The following DNAH8 variants were observed in gnomAD, a reference collection of about 807,000 sequenced individuals.
DNAH8 encodes the protein dynein axonemal heavy chain 8, also known as axonemal beta dynein heavy chain 8.
Under a neutral mutation model 562.1 loss-of-function variants are expected in DNAH8, and 382 were observed. The observed-to-expected ratio is 0.68, with a 90% CI of 0.63 to 0.74. DNAH8 has a LOEUF of 0.74. DNAH8 is among the 30% of genes least tolerant of loss of function. DNAH8 has a pLI of 0.00. For missense variants in DNAH8, 5,203 were observed against 5,620.4 expected, an observed-to-expected ratio of 0.93 and a Z score of 2.37; for synonymous variants, 1,881 against 1,919.4, an observed-to-expected ratio of 0.98 and a Z score of 0.52.
intron 88 of DNAH8, among the ~76,000 whole-genome samples, chr6:38,998,586 T>G (rs1452455591): frequency 1.3e-5 from 2 of 152,256 alleles, no homozygotes; most frequent in Non-Finnish European, 2.9e-5. Context: ...TTTATGCTCA[T>G]TGATATTTCA....
intron 8 of DNAH8, among the ~76,000 whole-genome samples, chr6:38,750,022 C>T (rs984736148): frequency 2.0e-5 from 3 of 152,074 alleles, no homozygotes; most frequent in Admixed American, 6.6e-5. Context: ...TTAGTAGAGA[C>T]GGGGTTTCAC....
intron 33 of DNAH8, among the ~76,000 whole-genome samples, chr6:38,842,030 C>A (rs572381951): frequency 5.9e-5 from 9 of 152,268 alleles, no homozygotes; most frequent in Admixed American, 5.2e-4. Flanking sequence ...GCAGCTATGA[C>A]CTTATCATTA....
chr6:38,719,179 G>T (rs1190549826), intron 1 of DNAH8, among the ~76,000 whole-genome samples: 13 of 152,124 alleles, frequency 8.5e-5, no homozygotes, highest in Non-Finnish European at 1.5e-4. Flanking sequence ...GACATCTAGG[G>T]GGTGCTACAT....
chr6:38,936,634 A>G (rs1007342215), intron 77 of DNAH8, among the ~76,000 whole-genome samples: 5 of 152,156 alleles, frequency 3.3e-5, no homozygotes, highest in African/African-American at 1.2e-4. Context: ...TGCTCCCGCT[A>G]GTGAAGTTGT....
intron 31 of DNAH8, among the ~76,000 whole-genome samples, chr6:38,834,014 G>T (rs1278416310): frequency 6.6e-6 from 1 of 152,008 alleles, no homozygotes; most frequent in African/African-American, 2.4e-5. Flanking sequence ...GGATTATTTT[G>T]CAACTGTGTT....
intron 21 of DNAH8, among the ~76,000 whole-genome samples, chr6:38,801,119 C>A (rs751629950): frequency 6.6e-6 from 1 of 152,012 alleles, no homozygotes; most frequent in African/African-American, 2.4e-5. Context: ...GATAACTTTG[C>A]GTAATCCAAG....
In DNAH8 at chr6:38,767,962, T is replaced by A. The variant is rs564284025; in HGVS notation, c.1618-2451T>A. The stretch of plus-strand genomic sequence containing the variant: ...TTCTTCATCTCCTTGCCAACACTTT[T>A]TATTTTCTATTATTTTGATAAGAGC... On this transcript the variant is annotated intron_variant, in intron 11 of 92. Transcript: ENST00000327475. Among the ~76,000 whole-genome samples the A allele has an allele frequency of 2.6e-5, 4 of 152,352 alleles. No homozygotes were observed. The South Asian group carries it at 8.3e-4, about 32-fold the overall frequency.
chr6:38,906,078 T>TG (rs1780450209), intron 62 of DNAH8, among the ~76,000 whole-genome samples, 176 bp from the exon 63 acceptor site: 1 of 151,874 alleles, frequency 6.6e-6, no homozygotes, highest in Non-Finnish European at 1.5e-5. Flanking sequence ...CTTTTTTTTT[T>TG]GTATTTTTTT....
intron 8 of DNAH8, chr6:38,744,152 A>C (rs1764738597): frequency 6.6e-6 from 1 of 152,098 alleles, no homozygotes; most frequent in South Asian, 2.1e-4. Flanking sequence ...GGATTGCTTG[A>C]ACTCAAGAAT....
At chr6:38,911,363 A>T in intron 65 of DNAH8, 105 bp from the exon 66 acceptor site, 1 of 845,068 alleles carries the variant, frequency 1.2e-6, no homozygotes, top group Non-Finnish European at 2.0e-6. Context: ...TCTTCCTGCT[A>T]GTGAATCACT....
intron 70 of DNAH8, among the ~76,000 whole-genome samples, chr6:38,919,624 A>G (rs1781549866): frequency 6.6e-6 from 1 of 152,244 alleles, no homozygotes; most frequent in Admixed American, 6.5e-5. Context: ...ATTTATAAGA[A>G]TTAATTATAT....
chr6:38,730,933 C>T (rs1386849443), intron 4 of DNAH8, among the ~76,000 whole-genome samples: 1 of 152,208 alleles, frequency 6.6e-6, no homozygotes, highest in Non-Finnish European at 1.5e-5. Context: ...TTCAGAACAC[C>T]TCCAGCAGAG....
intron 33 of DNAH8, among the ~76,000 whole-genome samples, chr6:38,839,732 G>A (rs1044026300): frequency 7.3e-5 from 11 of 151,518 alleles, no homozygotes; most frequent in Non-Finnish European, 1.2e-4. Context: ...ACATGATCTC[G>A]GCTCACAGCA....
chr6:38,839,657 C>T (rs968331508), intron 33 of DNAH8, among the ~76,000 whole-genome samples: 8 of 151,596 alleles, frequency 5.3e-5, no homozygotes, highest in African/African-American at 1.2e-4. Flanking sequence ...CGCACCCAAC[C>T]GAGAAGCACT....
chr6:38,857,790 G>A (rs1333958052), intron 42 of DNAH8, 48 bp downstream of exon 42: 6 of 1,201,068 alleles, frequency 5.0e-6, no homozygotes, highest in African/African-American at 1.5e-5. Context: ...ATAATGAACA[G>A]CTAAGAATTG....
intron 21 of DNAH8, among the ~76,000 whole-genome samples, chr6:38,799,137 A>G (rs1032955830): frequency 2.0e-5 from 3 of 152,154 alleles, no homozygotes; most frequent in Non-Finnish European, 2.9e-5. Flanking sequence ...GTCTGGCAAT[A>G]TGGCTTTGAT....
intron 32 of DNAH8, among the ~76,000 whole-genome samples, chr6:38,835,861 A>G (rs1205902614): frequency 6.6e-6 from 1 of 152,080 alleles, no homozygotes; most frequent in Non-Finnish European, 1.5e-5. Flanking sequence ...TCATACTTGA[A>G]TTTTTAAAAT....
chr6:39,010,178 C>G (rs1341372751), intron 89 of DNAH8, among the ~76,000 whole-genome samples: 1 of 152,072 alleles, frequency 6.6e-6, no homozygotes, highest in East Asian at 1.9e-4. Context: ...TAAATGGATT[C>G]CTATATGGGA....
chr6:38,938,024 C>A lies in DNAH8; in HGVS notation c.11614C>A (p.Gln3872Lys), dbSNP rs749577164. The A allele has an allele frequency of 8.7e-6, 14 of 1,613,744 alleles. No homozygotes were observed. Among genetic ancestry groups the A allele is most frequent in the Admixed American group, 3.3e-5 (2 of 59,958 alleles). ...CATTGGTGTACTTCGAACTACCAAG[C>A]AGACAGCAGCTGAGGTAAGTGAAAA... ...SLIGVLRTTK[Q>K]TAAEVSEKLH... Residue 3872 changes from glutamine (Q) to lysine (K), a missense_variant, in exon 78 of 93, where the codon CAG (glutamine) becomes AAG (lysine). Gln to Lys is a moderately conservative substitution (Grantham distance 53, BLOSUM62 1). Coordinates refer to ENST00000327475, the MANE Select transcript of DNAH8 (RefSeq NM_001206927.2).
Sources: gnomAD v4.1 joint callset for allele counts (sites outside exome capture counted in the v4.1 genomes callset) on GRCh38, gnomAD v4.1.1 for gene constraint, MANE v1.5 for transcripts, NCBI Gene and HGNC (gene_info 2026-07-23, HGNC 2026-07-21) for gene names.